TPR: variants seen among roughly 807,000 people sequenced by gnomAD.
TPR encodes the protein nucleoprotein TPR.
A neutral mutation model predicts 316.1 loss-of-function variants in TPR; 51 were observed. The observed-to-expected ratio is 0.16, with a 90% CI of 0.13 to 0.20. TPR has a LOEUF of 0.20. Among genes scored for constraint, TPR ranks in the 10% least tolerant of loss-of-function variants. TPR has a pLI of 1.00. For missense variants in TPR, 2,272 were observed against 2,754.8 expected (o/e 0.82, Z 3.92); for synonymous variants, 981 against 914.7 (o/e 1.07, Z -1.31).
At chr1:186,349,860 C>T (rs978620577) in intron 21 of TPR, among the ~76,000 whole-genome samples, 1 of 152,064 alleles carries the variant, frequency 6.6e-6, no homozygotes, top group African/African-American at 2.4e-5. Flanking sequence ...TTAAGAGAAA[C>T]TTATTCTTGC....
rs769663852 is a variant in TPR at position 186,355,434 on chromosome 1, G to C, written c.2147C>G (p.Thr716Ser). ...DLRSQNTKIS[T>S]QLDFASKRYE... ...CCGTTTAGAAGCAAAATCTAGCTGG[G>C]TAGAAATTTTGGTATTTTGTGATCG... The change falls in exon 17 of 51, where the codon ACC becomes AGC. Residue 716 changes from threonine (T) to serine (S), a missense_variant. Thr to Ser is a moderately conservative substitution (Grantham distance 58). Transcript: ENST00000367478. The C allele has an allele frequency of 6.2e-7, 1 of 1,611,526 alleles. No homozygotes were observed. Among genetic ancestry groups the C allele is most frequent in the South Asian group, 1.1e-5 (1 of 90,016 alleles).
In TPR at chr1:186,351,464, G is replaced by A. The variant is rs1198022654; in HGVS notation, c.2476C>T (p.Leu826=). The part of the protein sequence containing the change: ...LTNLQTIQGI[L]ERSETETKQR... ...TTGGTTTCTGTTTCAGATCGCTCCA[G>A]TATTCCCTAAAGCAAAGAAAAGATT... is the stretch of plus-strand genomic sequence containing the variant. The change falls in exon 20 of 51, where the codon CTG becomes TTG. Residue 826 remains leucine (L), a synonymous_variant. Coordinates refer to ENST00000367478, the MANE Select transcript of TPR (RefSeq NM_003292.3). The A allele has an allele frequency of 2.8e-5, 44 of 1,593,962 alleles. No individual in the cohort carries two copies. The highest frequency in any genetic ancestry group is 3.6e-5 in the Admixed American group (2 of 55,400).
rs767023482 is a variant in TPR, at chr1:186,320,420, TA to T, written c.6462-3del. On this transcript the variant is annotated splice_polypyrimidine_tract_variant and splice_region_variant and intron_variant, in intron 45 of 50. Coordinates refer to ENST00000367478, the MANE Select transcript of TPR (RefSeq NM_003292.3). The stretch of plus-strand genomic sequence containing the variant: ...GGGACACCAGCAACCTGCGGCGAAC[TA>T]AATGGACAAAAACTAATTTAAGATG... 7 of 1,603,490 alleles carry T rather than the reference TA, an allele frequency of 4.4e-6. No individual in the cohort carries two copies. The highest frequency in any genetic ancestry group is 1.7e-5 in the Admixed American group (1 of 58,500).
chr1:186,355,706 C>T lies in TPR; in HGVS notation c.1951G>A (p.Val651Ile). ...ACAGGTACTGGAGCAGGAGTGGAAA[C>T]AGTCTGTGATGTACTTGGACGTTTT... ...TPKRPSTSQT[V>I]STPAPVPVIE... Residue 651 changes from valine to isoleucine, a missense_variant, in exon 16 of 51, where the codon GTT becomes ATT. Transcript: ENST00000367478. The T allele has an allele frequency of 6.2e-7, 1 of 1,614,100 alleles. No individual in the cohort carries two copies. Among genetic ancestry groups the T allele is most frequent in the Non-Finnish European group, 8.5e-7 (1 of 1,180,012 alleles).
rs1019687320 is a variant in TPR at position 186,373,469 on chromosome 1, G to A, written c.152-6C>T. On this transcript the variant is annotated splice_polypyrimidine_tract_variant and splice_region_variant and intron_variant, in intron 1 of 50. Coordinates refer to ENST00000367478, the MANE Select transcript of TPR (RefSeq NM_003292.3). ...TATTTCAAAATACTGTTGTTCTACA[G>A]CAGACAAGCAAAAAACAAAAAACAA... 1 of 1,598,654 alleles carries A rather than the reference G, an allele frequency of 6.3e-7. No individual in the cohort carries two copies. The highest frequency in any genetic ancestry group is 8.5e-7 in the Non-Finnish European group (1 of 1,170,038).
At chr1:186,323,957 C>T in intron 42 of TPR, 87 bp from the exon 43 acceptor site, 3 of 1,321,980 alleles carry the variant, frequency 2.3e-6, no homozygotes, top group South Asian at 1.5e-5. Flanking sequence ...ATCTTGCCAA[C>T]AGGAATGTTC....
At chr1:186,348,164 C>T (rs1010536320) in intron 21 of TPR, among the ~76,000 whole-genome samples, 9 of 152,064 alleles carry the variant, frequency 5.9e-5, no homozygotes, top group South Asian at 2.1e-4. Context: ...TATAAACGGA[C>T]GTGCAAGTAG....
chr1:186,323,501 C>CG (rs1307048055), intron 43 of TPR, among the ~76,000 whole-genome samples, 185 bp downstream of exon 43: 1 of 152,064 alleles, frequency 6.6e-6, no homozygotes, highest in Non-Finnish European at 1.5e-5. Context: ...ACTTGCCTTT[C>CG]TAAACATCCC....
intron 49 of TPR, 56 bp from the exon 50 acceptor site, chr1:186,314,780 T>A (rs1657543373): frequency 1.7e-6 from 2 of 1,157,566 alleles, no homozygotes; most frequent in Non-Finnish European, 2.5e-6. Context: ...AAAGCATTTA[T>A]AATGATACAA....
In TPR at chr1:186,355,541, C is replaced by T; in HGVS notation, c.2040G>A (p.Glu680=). 1 of 1,610,970 alleles carries T rather than the reference C, an allele frequency of 6.2e-7. No homozygotes were observed. Among genetic ancestry groups the T allele is most frequent in the South Asian group, 1.1e-5 (1 of 90,052 alleles). ...TTTCTGCTTTTTCTTTTTTGTAGTT[C>T]TCAAAAATTTCCTGCAACTAAATAT... ...AALKQLQEIF[E]NYKKEKAENE... Residue 680 remains glutamate, a synonymous_variant, in exon 17 of 51, where the codon GAG becomes GAA. Transcript: ENST00000367478.
At chr1:186,324,047 T>C (rs1469935211) in intron 42 of TPR, among the ~76,000 whole-genome samples, 177 bp from the exon 43 acceptor site, 1 of 152,128 alleles carries the variant, frequency 6.6e-6, no homozygotes, top group African/African-American at 2.4e-5. Flanking sequence ...GACAATGGGA[T>C]GTGTACTTAT....
At chr1:186,361,014 T>G in intron 9 of TPR, 109 bp from the exon 10 acceptor site, 1 of 1,164,230 alleles carries the variant, frequency 8.6e-7, no homozygotes, top group Non-Finnish European at 1.2e-6. Flanking sequence ...ATTAAATTTC[T>G]AGAGAGGCTT....
intron 42 of TPR, 124 bp downstream of exon 42, chr1:186,325,640 T>C (rs1420104375): frequency 2.7e-6 from 2 of 738,810 alleles, no homozygotes; most frequent in Non-Finnish European, 4.2e-6. Context: ...GTCACAAAGC[T>C]AGAACAGGGG....
intron 36 of TPR, among the ~76,000 whole-genome samples, chr1:186,333,879 G>A (rs1281297561): frequency 6.6e-6 from 1 of 152,124 alleles, no homozygotes. Context: ...AGGTAGCAAA[G>A]TTTTACTGAA....
At chr1:186,347,739 A>G (rs1395213737) in intron 21 of TPR, among the ~76,000 whole-genome samples, 2 of 152,228 alleles carry the variant, frequency 1.3e-5, no homozygotes, top group Non-Finnish European at 2.9e-5. Context: ...TGAGTTAGCT[A>G]TATGAAGAAA....
chr1:186,317,626 A>G, intron 48 of TPR, 26 bp from the exon 49 acceptor site: 1 of 1,587,734 alleles, frequency 6.3e-7, no homozygotes, highest in Non-Finnish European at 8.6e-7. Flanking sequence ...ATGAGAAAAT[A>G]CAAAACTGAT....
At chr1:186,371,353 A>G (rs1198293952) in intron 2 of TPR, among the ~76,000 whole-genome samples, 1 of 152,072 alleles carries the variant, frequency 6.6e-6, no homozygotes, top group Non-Finnish European at 1.5e-5. Context: ...AACATATATC[A>G]TAAGAAACAG....
chr1:186,323,594 AC>A, intron 43 of TPR, 91 bp downstream of exon 43: 1 of 1,247,260 alleles, frequency 8.0e-7, no homozygotes, highest in South Asian at 2.2e-5. Flanking sequence ...ATTTAAAAAA[AC>A]CAAGAGAGAG....
At chr1:186,366,676 T>A (rs1190761811) in intron 4 of TPR, among the ~76,000 whole-genome samples, 2 of 152,212 alleles carry the variant, frequency 1.3e-5, no homozygotes, top group East Asian at 1.9e-4. Flanking sequence ...AACTTGTGAA[T>A]TATCCAAATT....
Sources: gnomAD v4.1 joint callset for allele counts (sites outside exome capture counted in the v4.1 genomes callset) on GRCh38, gnomAD v4.1.1 for gene constraint, MANE v1.5 for transcripts, NCBI Gene and HGNC (gene_info 2026-07-23, HGNC 2026-07-21) for gene names.